The following KLF12 variants were observed in gnomAD, a reference collection of about 807,000 sequenced individuals.
KLF12 encodes the protein Krueppel-like factor 12.
Under a neutral mutation model 37.8 loss-of-function variants are expected in KLF12, and 9 were observed. That is an observed-to-expected ratio of 0.24 (90% CI 0.14 to 0.42). KLF12 has a LOEUF of 0.42. Ranked by LOEUF, KLF12 falls within the 10% of genes least tolerant of loss-of-function variation. The pLI, the probability that KLF12 is intolerant of heterozygous loss-of-function variation, is 1.00. For synonymous variants in KLF12, 208 were observed against 202.1 expected (o/e 1.03, Z -0.25); for missense variants, 411 against 516.0 (o/e 0.80, Z 1.97).
chr13:74,211,495 G>A, the KLF12 span, among the ~76,000 whole-genome samples: 1 of 152,072 alleles, frequency 6.6e-6, no homozygotes, highest in South Asian at 2.1e-4. Context: ...AAATAGTTTT[G>A]ATCTTTTGCT....
At chr13:74,280,306 TAG>T in the KLF12 span, among the ~76,000 whole-genome samples, 2 of 152,146 alleles carry the variant, frequency 1.3e-5, no homozygotes, top group Non-Finnish European at 2.9e-5. Flanking sequence ...TCTTTTTGGG[TAG>T]AGTGTAATGA....
At chr13:74,155,066 A>G in the KLF12 span, among the ~76,000 whole-genome samples, 5 of 152,174 alleles carry the variant, frequency 3.3e-5, no homozygotes, top group South Asian at 2.1e-4. Context: ...CTGACTATCA[A>G]TATTTGCTCA....
At chr13:74,140,950 G>A in the KLF12 span, among the ~76,000 whole-genome samples, 700 of 152,044 alleles carry the variant, frequency 4.6e-3, 4 homozygotes, top group African/African-American at 0.016. Flanking sequence ...CAGCTACTCG[G>A]GGGGTGGGGG....
At chr13:73,920,350 T>G (rs1276242245) in intron 3 of KLF12, among the ~76,000 whole-genome samples, 2 of 152,120 alleles carry the variant, frequency 1.3e-5, no homozygotes, top group Non-Finnish European at 2.9e-5. Context: ...TTTTAATGTA[T>G]GTAAGCTAAG....
chr13:73,695,616 T>C lies in KLF12; in HGVS notation c.1083A>G (p.Ser361=). The C allele has an allele frequency of 6.2e-7, 1 of 1,614,150 alleles. No individual in the cohort carries two copies. Among genetic ancestry groups the C allele is most frequent in the Non-Finnish European group, 8.5e-7 (1 of 1,179,980 alleles). ...TGCGGTAATGCCTCGTCAGTTCATCTGAACGAGCGAACTTCCAGGTGCAGC... is the reference window on the plus strand; with the variant it reads ...TGCGGTAATGCCTCGTCAGTTCATCCGAACGAGCGAACTTCCAGGTGCAGC... The change falls in exon 8 of 8, where the codon TCA becomes TCG. Residue 361 remains serine, a synonymous_variant. Transcript: ENST00000377669.
chr13:73,908,719 A>T (rs1460573990), intron 3 of KLF12, among the ~76,000 whole-genome samples: 1 of 152,016 alleles, frequency 6.6e-6, no homozygotes, highest in Non-Finnish European at 1.5e-5. Context: ...ACCTCAGGTG[A>T]TCTGCCCGCC....
At chr13:73,943,184 C>A (rs7986883) in intron 3 of KLF12, among the ~76,000 whole-genome samples, 6 of 152,002 alleles carry the variant, frequency 3.9e-5, no homozygotes, top group African/African-American at 1.5e-4. Context: ...AGATTATATA[C>A]GTATTTATGT....
chr13:74,210,086 A>T, the KLF12 span, among the ~76,000 whole-genome samples: 1 of 152,192 alleles, frequency 6.6e-6, no homozygotes, highest in African/African-American at 2.4e-5. Flanking sequence ...TATAAAACAG[A>T]TACCTGGCAA....
At chr13:73,850,934 T>A (rs1034319152) in intron 3 of KLF12, among the ~76,000 whole-genome samples, 4 of 152,254 alleles carry the variant, frequency 2.6e-5, no homozygotes, top group Non-Finnish European at 5.9e-5. Flanking sequence ...TTGTGTGATA[T>A]TATACAAAGA....
chr13:73,784,113 C>T (rs1034833437), intron 5 of KLF12, among the ~76,000 whole-genome samples: 2 of 152,218 alleles, frequency 1.3e-5, no homozygotes, highest in South Asian at 4.2e-4. Context: ...GAACAGACTC[C>T]CTTTAAATTA....
the KLF12 span, among the ~76,000 whole-genome samples, chr13:74,261,765 A>C: frequency 1.3e-5 from 2 of 152,230 alleles, no homozygotes; most frequent in Admixed American, 1.3e-4. Context: ...TGGATTTGCT[A>C]TGAAGCCATT....
intron 5 of KLF12, among the ~76,000 whole-genome samples, chr13:73,785,989 G>C (rs1041925383): frequency 6.6e-6 from 1 of 152,152 alleles, no homozygotes; most frequent in Non-Finnish European, 1.5e-5. Flanking sequence ...AGAGGCCTTT[G>C]CAACTAAGCT....
chr13:73,786,133 G>A (rs1017867210), intron 5 of KLF12, among the ~76,000 whole-genome samples: 3 of 152,142 alleles, frequency 2.0e-5, no homozygotes, highest in South Asian at 4.1e-4. Flanking sequence ...GGGGCAGCTG[G>A]GGAGAGATTC....
the KLF12 span, among the ~76,000 whole-genome samples, chr13:74,287,004 C>T: frequency 6.6e-6 from 1 of 152,156 alleles, no homozygotes; most frequent in African/African-American, 2.4e-5. Context: ...CATATAGCCT[C>T]TCAAAAATAT....
At chr13:74,260,596 A>ATAAGATAAGATAAGATAAGATAAGATAAG in the KLF12 span, among the ~76,000 whole-genome samples, 1 of 113,122 alleles carries the variant, frequency 8.8e-6, no homozygotes, top group African/African-American at 5.8e-5. Context: ...AATAAAATAA[A>ATAAGATAAGATAAGATAAGATAAGATAAG]ATAAAATAAA....
intron 5 of KLF12, among the ~76,000 whole-genome samples, chr13:73,788,683 ACTG>A (rs1881496927): frequency 6.6e-6 from 1 of 152,014 alleles, no homozygotes; most frequent in Non-Finnish European, 1.5e-5. Flanking sequence ...CCTCCATTAA[ACTG>A]CTTTTATCTC....
At chr13:73,768,167 CCT>C (rs1880042945) in intron 5 of KLF12, among the ~76,000 whole-genome samples, 1 of 152,164 alleles carries the variant, frequency 6.6e-6, no homozygotes, top group Non-Finnish European at 1.5e-5. Context: ...AGTTATTTAA[CCT>C]CTCTGTGCCT....
chr13:73,703,942 G>T (rs1031569693), intron 7 of KLF12, among the ~76,000 whole-genome samples: 2 of 152,128 alleles, frequency 1.3e-5, no homozygotes, highest in Non-Finnish European at 2.9e-5. Flanking sequence ...TCCGATATAA[G>T]TGAACTAAAA....
chr13:73,910,802 G>A (rs1888529997), intron 3 of KLF12, among the ~76,000 whole-genome samples: 1 of 152,106 alleles, frequency 6.6e-6, no homozygotes, highest in Admixed American at 6.5e-5. Context: ...TTTATGAAGT[G>A]GAATGGGTTA....
Sources: allele counts gnomAD v4.1 joint callset (sites outside exome capture counted in the v4.1 genomes callset), GRCh38; gene constraint gnomAD v4.1.1; transcripts MANE v1.5; gene names NCBI Gene and HGNC (gene_info 2026-07-23, HGNC 2026-07-21).